Variants in IQGAP3 observed in about 807,000 individuals in gnomAD.
IQGAP3 encodes the protein ras GTPase-activating-like protein IQGAP3.
A neutral mutation model predicts 208.2 loss-of-function variants in IQGAP3; 165 were observed. That is an observed-to-expected ratio of 0.79 (90% CI 0.70 to 0.90). The LOEUF (loss-of-function observed/expected upper bound fraction) is 0.90. Ranked by LOEUF, IQGAP3 falls within the 40% of genes least tolerant of loss-of-function variation. The probability of loss-of-function intolerance (pLI) is 0.00; values close to 1 mark genes in which losing one functional copy is unlikely to be tolerated. For missense variants in IQGAP3, 1,811 were observed against 2,043.1 expected (o/e 0.89, Z 2.19); for synonymous variants, 703 against 803.6 (o/e 0.87, Z 2.12).
At chr1:156,532,302 G>T (rs1038729627) in intron 32 of IQGAP3, among the ~76,000 whole-genome samples, 1 of 150,274 alleles carries the variant, frequency 6.7e-6, no homozygotes, top group Non-Finnish European at 1.5e-5. Flanking sequence ...CAGGAGAATC[G>T]CTTGAACCCA....
intron 26 of IQGAP3, among the ~76,000 whole-genome samples, chr1:156,538,409 A>C (rs1205961838): frequency 6.6e-6 from 1 of 151,722 alleles, no homozygotes; most frequent in East Asian, 1.9e-4. Flanking sequence ...GGCTGGTCTC[A>C]AACTCCTGAC....
chr1:156,534,447 T>C (rs1674584187), intron 29 of IQGAP3, 54 bp downstream of exon 29: 2 of 1,299,504 alleles, frequency 1.5e-6, no homozygotes, highest in Non-Finnish European at 2.1e-6. Flanking sequence ...ACAAGTGGGA[T>C]GTCAAAGGTG....
intron 34 of IQGAP3, among the ~76,000 whole-genome samples, chr1:156,529,612 C>G (rs1424490789): frequency 6.6e-6 from 1 of 152,072 alleles, no homozygotes; most frequent in Non-Finnish European, 1.5e-5. Flanking sequence ...TGGTGAAACC[C>G]TGTCTCTACT....
chr1:156,530,786 C>T (rs1674355412), intron 33 of IQGAP3, among the ~76,000 whole-genome samples: 1 of 152,194 alleles, frequency 6.6e-6, no homozygotes, highest in Non-Finnish European at 1.5e-5. Context: ...CCAACCTGCC[C>T]CTGGCCCCCC....
chr1:156,560,899 G>A (rs936550198), intron 11 of IQGAP3, 35 bp downstream of exon 11: 13 of 1,416,362 alleles, frequency 9.2e-6, no homozygotes, highest in African/African-American at 5.6e-5. Flanking sequence ...TCAGAGATAC[G>A]CACAGAGCAG....
intron 5 of IQGAP3, among the ~76,000 whole-genome samples, chr1:156,564,365 C>T (rs139435838): frequency 3.9e-5 from 6 of 152,138 alleles, no homozygotes; most frequent in Admixed American, 2.0e-4. Flanking sequence ...ACTGAAGGCC[C>T]TACCCTGCTA....
Position 156,548,668 on chromosome 1 carries a change from C to T in IQGAP3, c.1906G>A (p.Ala636Thr), listed in dbSNP as rs771267264. ...AQTERVLRNP[A>T]VALRGVVPDC... Reference sequence around the variant, plus strand: ...GGAACTACCCCTCGAAGGGCCACTGCGGGGTTCCTCAACACCCGCTCAGTC... The same window carrying T: ...GGAACTACCCCTCGAAGGGCCACTGTGGGGTTCCTCAACACCCGCTCAGTC... The change falls in exon 17 of 38, where the codon GCA becomes ACA. Residue 636 changes from alanine to threonine, a missense_variant. Ala to Thr is a moderately conservative substitution (Grantham distance 58). Transcript: ENST00000361170. The T allele has an allele frequency of 3.5e-5, 57 of 1,611,998 alleles. No individual in the cohort carries two copies. The highest frequency in any genetic ancestry group is 2.0e-4 in the East Asian group (9 of 44,826).
chr1:156,533,069 G>A lies in IQGAP3; in HGVS notation c.4014C>T (p.Ser1338=). The part of the protein sequence containing the change: ...SIAADGHTDL[S]KLEVSLTLTN... ...TCAGCGTCAGGGACACTTCTAGCTT[G>A]CTCAGGTCCGTGTGCCCATCTGCAG... Residue 1338 remains serine, a synonymous_variant, in exon 32 of 38, where the codon AGC becomes AGT. Coordinates refer to ENST00000361170, the MANE Select transcript of IQGAP3 (RefSeq NM_178229.5). The A allele has an allele frequency of 6.2e-7, 1 of 1,614,044 alleles. No homozygotes were observed.
intron 12 of IQGAP3, 29 bp downstream of exon 12, chr1:156,556,504 A>C: frequency 6.2e-7 from 1 of 1,613,160 alleles, no homozygotes; most frequent in Non-Finnish European, 8.5e-7. Flanking sequence ...TGGAGACTGC[A>C]GAGCTAGACC....
intron 4 of IQGAP3, among the ~76,000 whole-genome samples, chr1:156,565,567 T>A (rs979945093): frequency 6.6e-6 from 1 of 152,172 alleles, no homozygotes; most frequent in African/African-American, 2.4e-5. Flanking sequence ...CACTGTAAGG[T>A]AGACAGGGCA....
At chr1:156,564,155 A>G (rs1676292656) in intron 5 of IQGAP3, among the ~76,000 whole-genome samples, 1 of 152,190 alleles carries the variant, frequency 6.6e-6, no homozygotes, top group Non-Finnish European at 1.5e-5. Flanking sequence ...GCACAGGGGC[A>G]CAAAGGGACA....
At chr1:156,554,791 C>G (rs1223676333) in intron 12 of IQGAP3, among the ~76,000 whole-genome samples, 1 of 152,186 alleles carries the variant, frequency 6.6e-6, no homozygotes, top group African/African-American at 2.4e-5. Flanking sequence ...GGTGCAGTGG[C>G]TCACACCTGT....
At chr1:156,544,905 C>T (rs558257080) in intron 19 of IQGAP3, among the ~76,000 whole-genome samples, 4 of 152,324 alleles carry the variant, frequency 2.6e-5, no homozygotes, top group African/African-American at 9.6e-5. Flanking sequence ...CCCTCATGTG[C>T]ACAGAAAGTG....
At position 156,530,167 on chromosome 1, in the gene IQGAP3, C is replaced by A; in HGVS notation, c.4342G>T (p.Glu1448Ter). Residue 1448 changes from glutamate to a stop codon, truncating the protein, a stop_gained, in exon 34 of 38, where the codon GAA becomes TAA. Coordinates refer to ENST00000361170, the MANE Select transcript of IQGAP3 (RefSeq NM_178229.5). LOFTEE classifies it high-confidence loss of function. ...RRVLRNLRRL[E>*]ALGLVSARNG... Reference sequence around the variant, plus strand: ...CTGGCGCTGACCAACCCCAGGGCTTCAAGTCGGCGTAGGTTCCGCAGGACG... The same window carrying A: ...CTGGCGCTGACCAACCCCAGGGCTTAAAGTCGGCGTAGGTTCCGCAGGACG... 6.2e-7 allele frequency: 1 copy of A among 1,611,280 alleles called. No homozygotes were observed.
At chr1:156,530,372 C>T in intron 33 of IQGAP3, 55 bp from the exon 34 acceptor site, 7 of 1,498,436 alleles carry the variant, frequency 4.7e-6, no homozygotes, top group South Asian at 1.2e-5. Context: ...TCTGCTCCCA[C>T]ACCAGTGAAG....
intron 12 of IQGAP3, among the ~76,000 whole-genome samples, chr1:156,555,903 G>A (rs1407686632): frequency 6.6e-6 from 1 of 152,164 alleles, no homozygotes; most frequent in Non-Finnish European, 1.5e-5. Context: ...TTTCCTGAGG[G>A]CTGTGCCTGT....
At chr1:156,532,125 G>A (rs982222257) in intron 32 of IQGAP3, among the ~76,000 whole-genome samples, 4 of 151,672 alleles carry the variant, frequency 2.6e-5, no homozygotes, top group Non-Finnish European at 4.4e-5. Context: ...AGTGGCTCAC[G>A]CCTGTAATCC....
intron 27 of IQGAP3, 84 bp downstream of exon 27, chr1:156,537,097 G>C: frequency 7.0e-7 from 1 of 1,433,996 alleles, no homozygotes; most frequent in Non-Finnish European, 9.6e-7. Flanking sequence ...CTCCCTGCAG[G>C]ACTATCACCC....
At chr1:156,541,597 C>T (rs1002431381) in intron 22 of IQGAP3, among the ~76,000 whole-genome samples, 3 of 152,060 alleles carry the variant, frequency 2.0e-5, no homozygotes, top group African/African-American at 7.2e-5. Context: ...TACTTAAGAC[C>T]ACCTGTGAGG....
Sources: allele counts gnomAD v4.1 joint callset (sites outside exome capture counted in the v4.1 genomes callset), GRCh38; gene constraint gnomAD v4.1.1; transcripts MANE v1.5; gene names NCBI Gene and HGNC (gene_info 2026-07-23, HGNC 2026-07-21).